Variants in PPP1R1C observed in about 807,000 individuals in gnomAD.
PPP1R1C encodes the protein protein phosphatase 1 regulatory inhibitor subunit 1C, also known as protein phosphatase 1 regulatory subunit 1C.
PPP1R1C carries 15 observed loss-of-function variants against 17.4 expected under a neutral mutation model. The observed-to-expected ratio is 0.86, with a 90% CI of 0.58 to 1.33. PPP1R1C has a LOEUF of 1.33. PPP1R1C is among the 40% of genes most tolerant of loss of function. The pLI is 0.00. For missense variants in PPP1R1C, 143 were observed against 130.0 expected (o/e 1.10, Z -0.48); for synonymous variants, 35 against 43.1 (o/e 0.81, Z 0.73).
At chr2:181,990,692 T>C (rs1376692956) in intron 2 of PPP1R1C, among the ~76,000 whole-genome samples, 1 of 152,210 alleles carries the variant, frequency 6.6e-6, no homozygotes, top group African/African-American at 2.4e-5. Context: ...TTCTGCGCGA[T>C]CCAACAGTTT....
At chr2:181,970,135 GTT>G (rs57341368) in intron 1 of PPP1R1C, among the ~76,000 whole-genome samples, 4 of 143,308 alleles carry the variant, frequency 2.8e-5, no homozygotes, top group African/African-American at 1.0e-4. Context: ...GCCTTATTTA[GTT>G]TTTTTTTTTT....
chr2:182,040,046 C>T (rs1424536291), intron 2 of PPP1R1C, among the ~76,000 whole-genome samples: 1 of 152,176 alleles, frequency 6.6e-6, no homozygotes, highest in African/African-American at 2.4e-5. Flanking sequence ...TCTTCATCCA[C>T]TCATTAGTTG....
chr2:182,035,343 T>C (rs887356063), intron 2 of PPP1R1C, among the ~76,000 whole-genome samples: 3 of 152,236 alleles, frequency 2.0e-5, no homozygotes, highest in Non-Finnish European at 2.9e-5. Flanking sequence ...TTAGTAACTA[T>C]TTAATTCTCA....
intron 2 of PPP1R1C, among the ~76,000 whole-genome samples, chr2:182,026,871 C>A (rs1686631833): frequency 6.7e-6 from 1 of 148,224 alleles, no homozygotes; most frequent in Non-Finnish European, 1.5e-5. Flanking sequence ...TTGTTTGTAT[C>A]CTCTTTTATT....
At chr2:182,011,070 C>T (rs1319139863) in intron 2 of PPP1R1C, among the ~76,000 whole-genome samples, 1 of 151,924 alleles carries the variant, frequency 6.6e-6, no homozygotes, top group Non-Finnish European at 1.5e-5. Context: ...GGATATTGGC[C>T]TGTAGTTTTC....
intron 1 of PPP1R1C, chr2:181,975,218 G>C (rs1490470583): frequency 1.0e-5 from 1 of 96,546 alleles, no homozygotes; most frequent in Non-Finnish European, 2.1e-5. Flanking sequence ...TTTTTTTTTA[G>C]AATGTTTTCT....
intron 2 of PPP1R1C, among the ~76,000 whole-genome samples, chr2:182,052,044 T>C (rs2125189048): frequency 6.6e-6 from 1 of 152,250 alleles, no homozygotes; most frequent in African/African-American, 2.4e-5. Flanking sequence ...TAATACTTAA[T>C]ATTTTTGACA....
chr2:182,123,800 G>T (rs958743048), intron 5 of PPP1R1C, among the ~76,000 whole-genome samples: 2 of 152,092 alleles, frequency 1.3e-5, no homozygotes, highest in African/African-American at 4.8e-5. Flanking sequence ...CCATTCTGTA[G>T]GTTGCCTGTT....
chr2:182,110,304 G>T (rs1689378439), intron 4 of PPP1R1C, among the ~76,000 whole-genome samples: 1 of 151,988 alleles, frequency 6.6e-6, no homozygotes, highest in Non-Finnish European at 1.5e-5. Flanking sequence ...ATTGTTATAT[G>T]TTAATTAAAA....
At chr2:181,983,022 A>G (rs1453780235), upstream of PPP1R1C, among the ~76,000 whole-genome samples, 2 of 152,172 alleles carry the variant, frequency 1.3e-5, no homozygotes, top group African/African-American at 4.8e-5. Context: ...ATTGATATCT[A>G]ATTTGCAATG....
At chr2:182,113,245 T>G (rs1485135832) in intron 4 of PPP1R1C, among the ~76,000 whole-genome samples, 1 of 152,230 alleles carries the variant, frequency 6.6e-6, no homozygotes, top group Non-Finnish European at 1.5e-5. Context: ...CCTATACACA[T>G]AAATGTCAGC....
chr2:182,115,289 C>A (rs1388592629), intron 4 of PPP1R1C, among the ~76,000 whole-genome samples: 1 of 151,972 alleles, frequency 6.6e-6, no homozygotes, highest in East Asian at 1.9e-4. Context: ...GGGTCAGCAG[C>A]CAAAAAGCTA....
chr2:182,021,279 G>A (rs1686415562), intron 2 of PPP1R1C, among the ~76,000 whole-genome samples: 1 of 149,688 alleles, frequency 6.7e-6, no homozygotes, highest in Non-Finnish European at 1.5e-5. Context: ...TATTCATATG[G>A]CCCAAGCCAT....
At chr2:182,004,828 T>TATTGG (rs1685869295) in intron 2 of PPP1R1C, among the ~76,000 whole-genome samples, 2 of 152,186 alleles carry the variant, frequency 1.3e-5, no homozygotes, top group Admixed American at 1.3e-4. Flanking sequence ...CTTAATGATT[T>TATTGG]ATTGGATGGC....
At chr2:182,029,534 A>C (rs1686746803) in intron 2 of PPP1R1C, among the ~76,000 whole-genome samples, 1 of 146,616 alleles carries the variant, frequency 6.8e-6, no homozygotes, top group Admixed American at 6.8e-5. Flanking sequence ...AATGTTGAAT[A>C]TTGGCCCCCA....
Position 182,057,831 on chromosome 2 carries a change from A to T in PPP1R1C, c.143-3611A>T, listed in dbSNP as rs368425136. 1.4e-4 allele frequency among the ~76,000 whole-genome samples: 21 copies of T among 152,226 alleles called. No homozygotes were observed. The South Asian group carries it at 4.4e-3, about 32-fold the overall frequency. ...ATCATGACTCTCTGTTGCTCTTCAAAATACACGCAGAATTCTGACAGTAAG... is the reference window on the plus strand; with the variant it reads ...ATCATGACTCTCTGTTGCTCTTCAATATACACGCAGAATTCTGACAGTAAG... On this transcript the variant is annotated intron_variant, in intron 2 of 4. Coordinates refer to ENST00000682840, the MANE Select transcript of PPP1R1C (RefSeq NM_001080545.3).
At chr2:181,997,240 AAAAAAG>A (rs1574362890) in intron 2 of PPP1R1C, among the ~76,000 whole-genome samples, 2 of 151,886 alleles carry the variant, frequency 1.3e-5, no homozygotes, top group East Asian at 1.9e-4. Flanking sequence ...AAAAAAAAAA[AAAAAAG>A]AAAAGAAGAC....
intron 4 of PPP1R1C, among the ~76,000 whole-genome samples, chr2:182,079,863 T>C (rs568031526): frequency 6.6e-6 from 1 of 152,196 alleles, no homozygotes; most frequent in Admixed American, 6.5e-5. Context: ...TGTCTCACTC[T>C]TCCCGTGGCC....
intron 2 of PPP1R1C, among the ~76,000 whole-genome samples, chr2:182,002,929 C>G (rs958627508): frequency 8.7e-6 from 1 of 114,414 alleles, no homozygotes; most frequent in Non-Finnish European, 1.9e-5. Context: ...TGCCATAAAC[C>G]TCCCCCCCCC....
Sources: allele counts gnomAD v4.1 joint callset (sites outside exome capture counted in the v4.1 genomes callset), GRCh38; gene constraint gnomAD v4.1.1; transcripts MANE v1.5; gene names NCBI Gene and HGNC (gene_info 2026-07-23, HGNC 2026-07-21).